The following PUM2 variants were observed in gnomAD, a reference collection of about 807,000 sequenced individuals.
PUM2 encodes the protein pumilio RNA binding family member 2, also known as pumilio homolog 2.
A neutral mutation model predicts 124.5 loss-of-function variants in PUM2; 57 were observed. That is an observed-to-expected ratio of 0.46 (90% CI 0.37 to 0.57). The LOEUF is 0.57. Among genes scored for constraint, PUM2 ranks in the 20% least tolerant of loss-of-function variants. The pLI is 0.00. For synonymous variants in PUM2, 460 were observed against 446.1 expected, an observed-to-expected ratio of 1.03 and a Z score of -0.39; for missense variants, 1,065 against 1,290.6, an observed-to-expected ratio of 0.83 and a Z score of 2.68.
intron 1 of PUM2, among the ~76,000 whole-genome samples, chr2:20,328,200 G>A (rs528321712): frequency 6.6e-6 from 1 of 152,276 alleles, no homozygotes; most frequent in East Asian, 1.9e-4. Context: ...GCTGGGTGCG[G>A]TGGCACGCGT....
intron 8 of PUM2, among the ~76,000 whole-genome samples, chr2:20,297,185 C>T (rs944378817): frequency 2.6e-5 from 4 of 152,172 alleles, no homozygotes; most frequent in Non-Finnish European, 5.9e-5. Flanking sequence ...CTACCCCTGA[C>T]CTATGTATGC....
At chr2:20,306,753 C>T (rs1357688040) in intron 7 of PUM2, among the ~76,000 whole-genome samples, 2 of 151,642 alleles carry the variant, frequency 1.3e-5, no homozygotes, top group Admixed American at 6.6e-5. Flanking sequence ...GATTACAGAC[C>T]CCCACTGCTA....
intron 2 of PUM2, among the ~76,000 whole-genome samples, chr2:20,318,916 T>G (rs1460205461): frequency 1.3e-5 from 2 of 152,220 alleles, no homozygotes; most frequent in Non-Finnish European, 2.9e-5. Flanking sequence ...ACAATGTAAA[T>G]TTATTCAAAA....
intron 19 of PUM2, 99 bp from the exon 20 acceptor site, chr2:20,254,113 C>G: frequency 9.6e-7 from 1 of 1,040,208 alleles, no homozygotes; most frequent in Non-Finnish European, 1.4e-6. Flanking sequence ...AACAATAAAA[C>G]AGAAGTCAGG....
intron 5 of PUM2, 44 bp downstream of exon 5, chr2:20,311,450 C>G: frequency 6.5e-7 from 1 of 1,535,884 alleles, no homozygotes; most frequent in Admixed American, 1.9e-5. Context: ...AGTAATAATC[C>G]CTAAAAAGAT....
chr2:20,277,603 GT>G (rs573908187), intron 13 of PUM2, among the ~76,000 whole-genome samples: 4 of 152,008 alleles, frequency 2.6e-5, no homozygotes, highest in East Asian at 1.9e-4. Context: ...GTATTAGTAA[GT>G]TTTTTTGCTT....
rs148691263 is a variant in PUM2 at position 20,330,091 on chromosome 2, C to T, written c.-18-2713G>A. On this transcript the variant is annotated intron_variant, in intron 1 of 20. Transcript: ENST00000361078. ...TCCTGAAGATTGCCAGAAAAAAAAA[C>T]AACATATTACATAAAGAGGAACAAT... Among the ~76,000 whole-genome samples the T allele has an allele frequency of 7.7e-3, 1,159 of 151,286 alleles. 11 individuals are homozygous for T. The highest frequency in any genetic ancestry group is 0.027 in the African/African-American group (1,109 of 41,224).
intron 13 of PUM2, among the ~76,000 whole-genome samples, chr2:20,269,891 T>C (rs1411510164): frequency 6.6e-6 from 1 of 152,180 alleles, no homozygotes; most frequent in Non-Finnish European, 1.5e-5. Context: ...CCCTCATTCA[T>C]CAAGGGGAAT....
At chr2:20,294,554 C>T (rs377448125) in intron 8 of PUM2, 36 bp from the exon 9 acceptor site, 45 of 1,559,280 alleles carry the variant, frequency 2.9e-5, no homozygotes, top group African/African-American at 5.5e-5. Context: ...TAAAAAGTTA[C>T]TAGATTTTAC....
intron 15 of PUM2, 122 bp from the exon 16 acceptor site, chr2:20,258,493 G>T: frequency 1.1e-6 from 1 of 872,926 alleles, no homozygotes; most frequent in Non-Finnish European, 1.7e-6. Context: ...GGGCTTTAAG[G>T]TAGAAGCTAA....
At position 20,328,374 on chromosome 2, in the gene PUM2, C is replaced by T. The variant is rs563682738; in HGVS notation, c.-18-996G>A. On this transcript the variant is annotated intron_variant, in intron 1 of 20. Coordinates refer to ENST00000361078, the MANE Select transcript of PUM2 (RefSeq NM_015317.5). ...AACACAAACACACAACCTCCACATT[C>T]GCCAAAGAAACAACAGAATCTAGAG... Among the ~76,000 whole-genome samples the T allele has an allele frequency of 3.9e-5, 6 of 152,142 alleles. No homozygotes were observed. The South Asian group carries it at 8.3e-4, about 21-fold the overall frequency.
chr2:20,320,387 ATAACT>A (rs1416328834), intron 2 of PUM2, among the ~76,000 whole-genome samples: 1 of 152,232 alleles, frequency 6.6e-6, no homozygotes, highest in East Asian at 1.9e-4. Context: ...AACCTGTTTA[ATAACT>A]TAAACAGCTA....
chr2:20,270,826 T>C (rs1163812224), intron 13 of PUM2, among the ~76,000 whole-genome samples: 1 of 152,196 alleles, frequency 6.6e-6, no homozygotes, highest in Non-Finnish European at 1.5e-5. Flanking sequence ...TGAGTATTTT[T>C]AGTTGTAGAA....
chr2:20,258,038 G>A (rs1471320073), intron 16 of PUM2, among the ~76,000 whole-genome samples: 1 of 151,994 alleles, frequency 6.6e-6, no homozygotes, highest in Non-Finnish European at 1.5e-5. Context: ...TTGCCACATA[G>A]GTGCTAAAAT....
chr2:20,264,088 C>G (rs1229244317), intron 13 of PUM2, among the ~76,000 whole-genome samples: 3 of 150,922 alleles, frequency 2.0e-5, no homozygotes. Context: ...CCTGTAATCC[C>G]AGCACTTTGG....
intron 13 of PUM2, among the ~76,000 whole-genome samples, chr2:20,272,511 T>C (rs958914373): frequency 3.3e-5 from 5 of 152,238 alleles, no homozygotes; most frequent in African/African-American, 1.2e-4. Context: ...CTGGATGCAC[T>C]ACTCTGTTCC....
Position 20,340,070 on chromosome 2 carries a change from T to C in PUM2, c.-19+10527A>G, listed in dbSNP as rs1163136791. ...ACAGTATGCTGTGATAAACATGATT[T>C]ATATATTTCTAGCTTTCAAAGTATT... On this transcript the variant is annotated intron_variant, in intron 1 of 20. Coordinates refer to ENST00000361078, the MANE Select transcript of PUM2 (RefSeq NM_015317.5). 2.0e-5 allele frequency among the ~76,000 whole-genome samples: 3 copies of C among 152,204 alleles called. No homozygotes were observed. In the East Asian group the frequency reaches 5.8e-4, roughly 29 times the overall value.
rs1244590397 is a variant in PUM2, at chr2:20,256,168, A to G, written c.2487T>C (p.Ser829=). 6.3e-7 allele frequency: 1 copy of G among 1,588,886 alleles called. No homozygotes were observed. The highest frequency in any genetic ancestry group is 8.5e-7 in the Non-Finnish European group (1 of 1,171,774). The change falls in exon 17 of 21, where the codon AGT becomes AGC. Residue 829 remains serine, a splice_region_variant and synonymous_variant. Coordinates refer to ENST00000361078, the MANE Select transcript of PUM2 (RefSeq NM_015317.5). The part of the protein sequence containing the change: ...ALESISSDQQ[S]EMVKELDGHV... ...GACCATCCAGCTCCTTTACCATTTC[A>G]CTCTGCAAAAGACAGGATGTCATTT...
At chr2:20,260,592 C>G in intron 14 of PUM2, 126 bp from the exon 15 acceptor site, 1 of 804,830 alleles carries the variant, frequency 1.2e-6, no homozygotes, top group Admixed American at 3.4e-5. Flanking sequence ...ATATAGTAGA[C>G]AGCTAACTTA....
Sources: allele counts gnomAD v4.1 joint callset (sites outside exome capture counted in the v4.1 genomes callset), GRCh38; gene constraint gnomAD v4.1.1; transcripts MANE v1.5; gene names NCBI Gene and HGNC (gene_info 2026-07-23, HGNC 2026-07-21).